The following AHRR variants were observed in gnomAD, a reference collection of about 807,000 sequenced individuals.
The protein encoded by AHRR is ahR repressor.
A neutral mutation model predicts 44.0 loss-of-function variants in AHRR; 28 were observed. The observed-to-expected ratio is 0.64, with a 90% CI of 0.47 to 0.87. The LOEUF is 0.87. AHRR is among the 40% of genes least tolerant of loss of function. The pLI, the probability that AHRR is intolerant of heterozygous loss-of-function variation, is 0.00. For synonymous variants in AHRR, 434 were observed against 407.0 expected (o/e 1.07, Z -0.80); for missense variants, 990 against 953.9 (o/e 1.04, Z -0.50).
At chr5:328,427 T>A (rs558347168) in intron 1 of AHRR, among the ~76,000 whole-genome samples, 1 of 152,088 alleles carries the variant, frequency 6.6e-6, no homozygotes, top group South Asian at 2.1e-4. Flanking sequence ...ATTTTTGTAT[T>A]TCTAGTAGAG....
rs1230861949 is a variant in AHRR at position 383,675 on chromosome 5, G to A, written c.351+6959G>A. 4.0e-5 allele frequency among the ~76,000 whole-genome samples: 6 copies of A among 151,634 alleles called. No homozygotes were observed. The highest frequency in any genetic ancestry group is 1.9e-4 in the East Asian group (1 of 5,168). Reference sequence around the variant, plus strand: ...ACTCCTGAGCTCAAGAGATCCTCCCGCTTCAGCTTCTTGAGTAGCTGGGAC... The same window carrying A: ...ACTCCTGAGCTCAAGAGATCCTCCCACTTCAGCTTCTTGAGTAGCTGGGAC... On this transcript the variant is annotated intron_variant, in intron 4 of 10. Coordinates refer to ENST00000684583, the MANE Select transcript of AHRR (RefSeq NM_001377236.1). The surrounding 1 kb of genome is among the most constrained non-coding windows in gnomAD (Gnocchi z 4.0).
At chr5:343,035 C>A (rs1742397587) in intron 1 of AHRR, among the ~76,000 whole-genome samples, 1 of 152,146 alleles carries the variant, frequency 6.6e-6, no homozygotes, top group African/African-American at 2.4e-5. Flanking sequence ...GCCCAAAGCA[C>A]AAGGCTATCA....
rs1245277489 is a variant in AHRR, at chr5:370,083, G to A, written c.245-6527G>A. Among the ~76,000 whole-genome samples, 1 of 150,738 alleles carries A rather than the reference G, an allele frequency of 6.6e-6. No homozygotes were observed. The highest frequency in any genetic ancestry group is 1.5e-5 in the Non-Finnish European group (1 of 67,944). On this transcript the variant is annotated intron_variant, in intron 3 of 10. Transcript: ENST00000684583. The surrounding 1 kb of genome is among the most constrained non-coding windows in gnomAD (Gnocchi z 4.5). ...TGCCCCATCCTCCCGGGCCCTCGCT[G>A]GAAGCCCCGTCCTCCCGGGCCCTCG...
In AHRR at chr5:366,046, G is replaced by A. The variant is rs568260116; in HGVS notation, c.245-10564G>A. Among the ~76,000 whole-genome samples the A allele has an allele frequency of 7.2e-5, 11 of 152,094 alleles. No homozygotes were observed. In the South Asian group the frequency reaches 1.9e-3, roughly 26 times the overall value. On this transcript the variant is annotated intron_variant, in intron 3 of 10. Transcript: ENST00000684583. ...ACATGAATATGTACGTAAAATGTGT[G>A]TACACTCACCTTCCCCCCCCACCCC... is the stretch of plus-strand genomic sequence containing the variant.
rs1315281197 is a variant in AHRR at position 404,545 on chromosome 5, G to A, written c.352-8799G>A. ...TAACCTCTTCAGAAAAAGAGCAGGC[G>A]TCCTGGGCCGGGGCAGGCGATTGGT... On this transcript the variant is annotated intron_variant, in intron 4 of 10. Transcript: ENST00000684583. This position sits in a 1 kb window ranked among gnomAD's most constrained non-coding sequence, Gnocchi z 4.1. 8 of 306,984 alleles carry A rather than the reference G, an allele frequency of 2.6e-5. No homozygotes were observed. The highest frequency in any genetic ancestry group is 2.4e-4 in the East Asian group (3 of 12,384). The allele number at this position is 306,984 out of a possible 1,614,324, so 19.0% of individuals were successfully genotyped here.
chr5:382,530 C>T (rs1440656179), intron 4 of AHRR, among the ~76,000 whole-genome samples: 1 of 151,992 alleles, frequency 6.6e-6, no homozygotes, highest in South Asian at 2.1e-4. Flanking sequence ...TTTGTGTCTT[C>T]TCACTTTTTC....
chr5:398,920 C>G (rs543556568), intron 4 of AHRR, among the ~76,000 whole-genome samples: 1 of 152,324 alleles, frequency 6.6e-6, no homozygotes, highest in East Asian at 1.9e-4. Context: ...GCACCTGGGA[C>G]CCCCCTGCCA....
At chr5:403,674 A>C in intron 4 of AHRR, 1 of 681,656 alleles carries the variant, frequency 1.5e-6, no homozygotes, top group Non-Finnish European at 2.4e-6. Flanking sequence ...TTAAATAGTT[A>C]AAATGGTATT....
At chr5:421,175 C>T (rs999317653) in intron 5 of AHRR, 15 of 594,750 alleles carry the variant, frequency 2.5e-5, no homozygotes, top group Non-Finnish European at 3.9e-5. Context: ...CTCTGGCGCC[C>T]GGCTGGTGCC....
In AHRR at chr5:342,156, C is replaced by T. The variant is rs1579598241; in HGVS notation, c.-10-1737C>T. Reference sequence around the variant, plus strand: ...ACATGTGTAAAAACCAGATACTCTTCGGTTGTTGGATGGAGTGTTTTATAA... The same window carrying T: ...ACATGTGTAAAAACCAGATACTCTTTGGTTGTTGGATGGAGTGTTTTATAA... On this transcript the variant is annotated intron_variant, in intron 1 of 10. Coordinates refer to ENST00000684583, the MANE Select transcript of AHRR (RefSeq NM_001377236.1). The surrounding 1 kb of genome is among the most constrained non-coding windows in gnomAD (Gnocchi z 4.3). Among the ~76,000 whole-genome samples, 2 of 152,138 alleles carry T rather than the reference C, an allele frequency of 1.3e-5. No homozygotes were observed. The highest frequency in any genetic ancestry group is 2.1e-4 in the South Asian group (1 of 4,824).
At chr5:386,809 A>G (rs1400680065) in intron 4 of AHRR, among the ~76,000 whole-genome samples, 2 of 150,516 alleles carry the variant, frequency 1.3e-5, no homozygotes, top group African/African-American at 2.5e-5. Flanking sequence ...GGGTCCTGGA[A>G]CTAACCCAGA....
At chr5:375,496 G>A (rs572120285) in intron 3 of AHRR, among the ~76,000 whole-genome samples, 2 of 152,222 alleles carry the variant, frequency 1.3e-5, no homozygotes, top group South Asian at 2.1e-4. Flanking sequence ...GCTGTGCCAC[G>A]CCGGGACCCC....
intron 5 of AHRR, among the ~76,000 whole-genome samples, chr5:416,704 G>T (rs534296939): frequency 1.3e-5 from 2 of 152,300 alleles, no homozygotes; most frequent in African/African-American, 4.8e-5. Flanking sequence ...GAGTGGGTCC[G>T]TTGGGTCCGT....
chr5:426,039 A>T (rs1736372379), intron 7 of AHRR, among the ~76,000 whole-genome samples: 1 of 152,238 alleles, frequency 6.6e-6, no homozygotes, highest in South Asian at 2.1e-4. Flanking sequence ...TGTTGGGAAT[A>T]TTTATACTAA....
chr5:353,737 G>C lies in AHRR; in HGVS notation c.70G>C (p.Ala24Pro), dbSNP rs1226713109. 1 of 1,608,348 alleles carries C rather than the reference G, an allele frequency of 6.2e-7. No homozygotes were observed. Among genetic ancestry groups the C allele is most frequent in the Non-Finnish European group, 8.5e-7 (1 of 1,178,640 alleles). ...RRRPLQKQRP[A>P]VGAEKSNPSK... ...CAGACCATCTCCCCACAGGAGGCCC[G>C]CCGTGGGGGCAGAGAAGTCCAACCC... Residue 24 changes from alanine to proline, a missense_variant, in exon 3 of 11, where the codon GCC (alanine) becomes CCC (proline). Physicochemically the swap from Ala to Pro is conservative, Grantham distance 27. Transcript: ENST00000684583.
At chr5:380,002 G>C (rs1733917891) in intron 4 of AHRR, among the ~76,000 whole-genome samples, 1 of 152,078 alleles carries the variant, frequency 6.6e-6, no homozygotes, top group Admixed American at 6.5e-5. Context: ...TGTTAACTTT[G>C]GTATGAGATG....
chr5:380,675 T>C (rs1468994430), intron 4 of AHRR, among the ~76,000 whole-genome samples: 1 of 152,256 alleles, frequency 6.6e-6, no homozygotes, highest in East Asian at 1.9e-4. Context: ...TTGTATCCTA[T>C]GACCTTGCTA....
intron 3 of AHRR, among the ~76,000 whole-genome samples, chr5:364,303 T>A (rs1056411042): frequency 6.6e-6 from 1 of 152,070 alleles, no homozygotes; most frequent in African/African-American, 2.4e-5. Flanking sequence ...CAAGGGGGAA[T>A]GAAAAACAAG....
At chr5:420,968 C>G in intron 5 of AHRR, 2 of 404,100 alleles carry the variant, frequency 4.9e-6, no homozygotes, top group Non-Finnish European at 9.1e-6. Context: ...GCTGGCACCG[C>G]TGAACAGCCA....
Sources: allele counts gnomAD v4.1 joint callset (sites outside exome capture counted in the v4.1 genomes callset), GRCh38; gene constraint gnomAD v4.1.1; non-coding constraint Gnocchi (gnomAD v3.1); transcripts MANE v1.5; gene names NCBI Gene and HGNC (gene_info 2026-07-23, HGNC 2026-07-21).